Variants in CUL5 observed in about 807,000 individuals in gnomAD.
CUL5 encodes the protein cullin 5, also known as cullin-5.
A neutral mutation model predicts 108.8 loss-of-function variants in CUL5; 26 were observed. That is an observed-to-expected ratio of 0.24 (90% CI 0.18 to 0.33). The LOEUF (loss-of-function observed/expected upper bound fraction) is 0.33, where lower values mean the gene tolerates loss of function less well. Among genes scored for constraint, CUL5 ranks in the 10% least tolerant of loss-of-function variants. CUL5 has a pLI of 1.00. For missense variants in CUL5, 524 were observed against 909.2 expected, an observed-to-expected ratio of 0.58 and a Z score of 5.45; for synonymous variants, 334 against 298.0, an observed-to-expected ratio of 1.12 and a Z score of -1.25.
At chr11:108,012,305 T>C (rs903481264) in intron 1 of CUL5, among the ~76,000 whole-genome samples, 3 of 152,176 alleles carry the variant, frequency 2.0e-5, no homozygotes, top group Non-Finnish European at 4.4e-5. Flanking sequence ...AGCAATTGTT[T>C]AAACCTTTTC....
At chr11:108,073,691 G>A (rs957999552) in intron 10 of CUL5, 194 bp downstream of exon 10, 2 of 340,506 alleles carry the variant, frequency 5.9e-6, no homozygotes, top group Non-Finnish European at 1.1e-5. Context: ...AGATAGCCTT[G>A]TGAATTAGAA....
Position 108,045,135 on chromosome 11 carries a change from A to C in CUL5, c.135-1135A>C, listed in dbSNP as rs544533150. Among the ~76,000 whole-genome samples the C allele has an allele frequency of 2.5e-3, 385 of 152,312 alleles. 2 individuals carry two copies. Among genetic ancestry groups the C allele is most frequent in the African/African-American group, 8.6e-3 (357 of 41,558 alleles). ...TATTAAATATATTTCTATAATGAAG[A>C]ACTTTTTTGTAAACTATGTCAGCTT... On this transcript the variant is annotated intron_variant, in intron 2 of 18. Transcript: ENST00000393094.
At chr11:108,090,799 C>A (rs1027179176) in intron 13 of CUL5, among the ~76,000 whole-genome samples, 1 of 151,956 alleles carries the variant, frequency 6.6e-6, no homozygotes, top group African/African-American at 2.4e-5. Context: ...CAAGCACACA[C>A]GAGAGAGACC....
intron 1 of CUL5, among the ~76,000 whole-genome samples, chr11:108,026,346 C>T (rs1415496744): frequency 6.6e-6 from 1 of 152,150 alleles, no homozygotes; most frequent in East Asian, 1.9e-4. Context: ...TATTCTTCCA[C>T]TTTCCTAGAT....
chr11:108,046,196 G>A, intron 2 of CUL5, 74 bp from the exon 3 acceptor site: 1 of 1,089,794 alleles, frequency 9.2e-7, no homozygotes, highest in Non-Finnish European at 1.4e-6. Flanking sequence ...AAACTGTACT[G>A]AAATAGAATT....
At chr11:108,025,913 G>A (rs889439952) in intron 1 of CUL5, among the ~76,000 whole-genome samples, 1 of 152,128 alleles carries the variant, frequency 6.6e-6, no homozygotes, top group Admixed American at 6.5e-5. Flanking sequence ...TAGGCAGTAT[G>A]TTTGGACATT....
At position 108,089,606 on chromosome 11, in the gene CUL5, A is replaced by G; in HGVS notation, c.1426A>G (p.Met476Val). The G allele has an allele frequency of 2.0e-6, 3 of 1,537,030 alleles. No homozygotes were observed. Among genetic ancestry groups the G allele is most frequent in the African/African-American group, 1.4e-5 (1 of 70,884 alleles). ...TGCCGATAGTGAAATTGAAGAAAAC[A>G]TGGTAGAGTGGCTAAGAGTAAGTAA... ...ISADSEIEEN[M>V]VEWLREVGMP... Residue 476 changes from methionine to valine, a missense_variant, in exon 13 of 19, where the codon ATG (methionine) becomes GTG (valine). Physicochemically the swap from Met to Val is conservative, Grantham distance 21. This residue lies in a region of CUL5 where 76 missense variants were observed against 168.3 expected (regional missense o/e 0.45). Transcript: ENST00000393094.
At chr11:108,048,691 G>T (rs1863130951) in intron 3 of CUL5, among the ~76,000 whole-genome samples, 1 of 104,030 alleles carries the variant, frequency 9.6e-6, no homozygotes, top group Non-Finnish European at 1.9e-5. Context: ...TTTTGAGGTG[G>T]ATTCTCACTT....
At chr11:108,051,813 G>T (rs1028053873) in intron 4 of CUL5, among the ~76,000 whole-genome samples, 1 of 152,112 alleles carries the variant, frequency 6.6e-6, no homozygotes, top group Non-Finnish European at 1.5e-5. Context: ...TGGAACTATA[G>T]GAGAATAAAC....
At chr11:108,080,594 C>T (rs1002463273) in intron 11 of CUL5, among the ~76,000 whole-genome samples, 3 of 152,110 alleles carry the variant, frequency 2.0e-5, no homozygotes, top group Admixed American at 1.3e-4. Flanking sequence ...TGGAGTTTCA[C>T]CATGTTGACC....
intron 7 of CUL5, among the ~76,000 whole-genome samples, chr11:108,066,578 A>G (rs991460195): frequency 2.0e-5 from 3 of 152,000 alleles, no homozygotes; most frequent in Non-Finnish European, 4.4e-5. Flanking sequence ...CTCACCTTGT[A>G]ATAAAATTGT....
Position 108,027,290 on chromosome 11 carries a change from T to C in CUL5, c.25-6512T>C, listed in dbSNP as rs1163088457. 2.0e-5 allele frequency among the ~76,000 whole-genome samples: 3 copies of C among 151,708 alleles called. No individual in the cohort carries two copies. In the East Asian group the frequency reaches 5.8e-4, roughly 30 times the overall value. ...CCCAGCTAATTTTTTTTTTTTTTCT[T>C]TGAGACAGTCTCCCCCTGCTGTCCA... is the stretch of plus-strand genomic sequence containing the variant. On this transcript the variant is annotated intron_variant, in intron 1 of 18. Coordinates refer to ENST00000393094, the MANE Select transcript of CUL5 (RefSeq NM_003478.6).
chr11:108,058,524 A>G (rs1418729935), intron 7 of CUL5, among the ~76,000 whole-genome samples: 4 of 151,806 alleles, frequency 2.6e-5, no homozygotes, highest in African/African-American at 9.7e-5. Flanking sequence ...CTGGGATTAC[A>G]GACGTGAGCC....
chr11:108,087,568 C>A (rs1394080958), intron 11 of CUL5, among the ~76,000 whole-genome samples: 1 of 152,046 alleles, frequency 6.6e-6, no homozygotes, highest in Non-Finnish European at 1.5e-5. Flanking sequence ...CCAGCCTGGA[C>A]AATATAGATA....
intron 1 of CUL5, among the ~76,000 whole-genome samples, chr11:108,022,356 T>G (rs999403513): frequency 6.6e-6 from 1 of 152,206 alleles, no homozygotes; most frequent in African/African-American, 2.4e-5. Context: ...TTTGTTTACA[T>G]TCTTGTGTTT....
chr11:108,046,147 A>G (rs907502334), intron 2 of CUL5, 123 bp from the exon 3 acceptor site: 2 of 563,396 alleles, frequency 3.5e-6, no homozygotes. Flanking sequence ...ATATGAGTGA[A>G]TTCAGACACC....
At chr11:108,080,611 G>T (rs1864055092) in intron 11 of CUL5, among the ~76,000 whole-genome samples, 1 of 152,082 alleles carries the variant, frequency 6.6e-6, no homozygotes, top group African/African-American at 2.4e-5. Context: ...GACCAGGATG[G>T]TCTCAATCTC....
chr11:108,086,078 T>C (rs1252379098), intron 11 of CUL5, among the ~76,000 whole-genome samples: 1 of 152,150 alleles, frequency 6.6e-6, no homozygotes, highest in Non-Finnish European at 1.5e-5. Flanking sequence ...CCATATATAA[T>C]TGGAGTCATA....
chr11:108,094,604 T>C, intron 14 of CUL5, 90 bp downstream of exon 14: 2 of 889,228 alleles, frequency 2.2e-6, no homozygotes, highest in Non-Finnish European at 3.3e-6. Context: ...TCAGCAGTAA[T>C]AGATCGAAAG....
Sources: allele counts gnomAD v4.1 joint callset (sites outside exome capture counted in the v4.1 genomes callset), GRCh38; gene constraint gnomAD v4.1.1; regional missense constraint gnomAD v4.1.1; transcripts MANE v1.5; gene names NCBI Gene and HGNC (gene_info 2026-07-23, HGNC 2026-07-21).